The following PIWIL2 variants were observed in gnomAD, a reference collection of about 807,000 sequenced individuals.
The protein encoded by PIWIL2 is piwi like RNA-mediated gene silencing 2.
A neutral mutation model predicts 116.5 loss-of-function variants in PIWIL2; 81 were observed. The observed-to-expected ratio is 0.70, with a 90% CI of 0.58 to 0.84. The LOEUF (loss-of-function observed/expected upper bound fraction) is 0.84, where lower values mean the gene tolerates loss of function less well. PIWIL2 is among the 40% of genes least tolerant of loss of function. The pLI is 0.00. For synonymous variants in PIWIL2, 489 were observed against 429.5 expected (o/e 1.14, Z -1.71); for missense variants, 1,272 against 1,212.3 (o/e 1.05, Z -0.73).
rs1831137515 is a variant in PIWIL2, at chr8:22,304,858, A to G, written c.1445A>G (p.Asn482Ser). 3 of 1,603,440 alleles carry G rather than the reference A, an allele frequency of 1.9e-6. No homozygotes were observed. Among genetic ancestry groups the G allele is most frequent in the Non-Finnish European group, 2.6e-6 (3 of 1,170,232 alleles). The change falls in exon 12 of 23, where the codon AAT becomes AGT. Residue 482 changes from asparagine (N) to serine (S), a missense_variant. Physicochemically the swap from Asn to Ser is conservative, Grantham distance 46. Transcript: ENST00000356766. ...LIHRPSERQDNHGMLLKGEIL... is the reference protein window; with the variant it reads ...LIHRPSERQDSHGMLLKGEIL... The stretch of plus-strand genomic sequence containing the variant: ...CACAGGCCCAGTGAGAGACAGGATA[A>G]TCATGGGATGGTGAGTAGGGCTGTC...
chr8:22,300,173 C>T lies in PIWIL2; in HGVS notation c.1182-3848C>T, dbSNP rs1476557940. 3.9e-5 allele frequency among the ~76,000 whole-genome samples: 6 copies of T among 152,222 alleles called. No homozygotes were observed. In the East Asian group the frequency reaches 9.7e-4, roughly 25 times the overall value. On this transcript the variant is annotated intron_variant, in intron 10 of 22. Transcript: ENST00000356766. ...CTTGAACTCCTGGGCCCAAGCAGTT[C>T]TCCTACCTAGCCTCAGCCTCCCAAA...
At position 22,355,329 on chromosome 8, in the gene PIWIL2, A is replaced by G. The variant is rs1367731293; in HGVS notation, c.2766-20A>G. The G allele has an allele frequency of 2.5e-6, 4 of 1,613,370 alleles. No individual in the cohort carries two copies. The highest frequency in any genetic ancestry group is 3.4e-6 in the Non-Finnish European group (4 of 1,179,366). ...GAAGGTGGGGGATGATGAGAATTATATTTTCTTCTTGGCCTACAGGCTGAC... is the reference window on the plus strand; with the variant it reads ...GAAGGTGGGGGATGATGAGAATTATGTTTTCTTCTTGGCCTACAGGCTGAC... On this transcript the variant is annotated intron_variant, in intron 22 of 22. Coordinates refer to ENST00000356766, the MANE Select transcript of PIWIL2 (RefSeq NM_018068.5).
Position 22,355,524 on chromosome 8 carries a change from G to C in PIWIL2, c.*19G>C, listed in dbSNP as rs770300263. On this transcript the variant is annotated 3_prime_UTR_variant, in exon 23 of 23. Transcript: ENST00000356766. ...CCTGTGACTGCACAGCTTGGAGATG[G>C]GCTGGTGAGAAGAAAGGCGGCCTCA... 1.5e-5 allele frequency: 24 copies of C among 1,608,988 alleles called. No homozygotes were observed. The highest frequency in any genetic ancestry group is 1.9e-5 in the Non-Finnish European group (22 of 1,176,916).
rs1831961374 is a variant in PIWIL2, at chr8:22,335,558, T to G, written c.2403+17283T>G. ...ACAAAATAGACTTTTTTTTTTTTTT[T>G]TTTTTTTGAGACGCAGTCTTGCTCT... is the stretch of plus-strand genomic sequence containing the variant. On this transcript the variant is annotated intron_variant, in intron 20 of 22. Transcript: ENST00000356766. 2.0e-5 allele frequency among the ~76,000 whole-genome samples: 3 copies of G among 149,182 alleles called. No homozygotes were observed. The Admixed American group carries it at 2.0e-4, about 10-fold the overall frequency.
intron 20 of PIWIL2, 129 bp from the exon 21 acceptor site, chr8:22,352,830 G>C: frequency 1.1e-6 from 1 of 911,750 alleles, no homozygotes; most frequent in South Asian, 1.9e-5. Flanking sequence ...TCTAGGCACA[G>C]TAGCTTTGGC....
chr8:22,310,812 T>C (rs1831310499), intron 15 of PIWIL2, among the ~76,000 whole-genome samples: 1 of 152,208 alleles, frequency 6.6e-6, no homozygotes. Context: ...TACATATACA[T>C]GGAATCATAG....
intron 21 of PIWIL2, among the ~76,000 whole-genome samples, chr8:22,353,704 C>T (rs1413356576): frequency 1.4e-5 from 2 of 147,410 alleles, no homozygotes; most frequent in Non-Finnish European, 3.0e-5. Context: ...TTGAACATAC[C>T]TTGTTTTGCT....
At chr8:22,275,505 T>G (rs1451787706) in intron 1 of PIWIL2, 107 bp downstream of exon 1, 1 of 152,188 alleles carries the variant, frequency 6.6e-6, no homozygotes, top group Non-Finnish European at 1.5e-5. Context: ...CTCCCGGGCC[T>G]CTCCCCTCCC....
At chr8:22,326,383 G>A (rs1036438039) in intron 20 of PIWIL2, among the ~76,000 whole-genome samples, 12 of 152,090 alleles carry the variant, frequency 7.9e-5, no homozygotes, top group East Asian at 3.9e-4. Flanking sequence ...TTAGCTGGGC[G>A]TGGTGGTACA....
At chr8:22,330,302 T>C (rs945681886) in intron 20 of PIWIL2, among the ~76,000 whole-genome samples, 2 of 152,188 alleles carry the variant, frequency 1.3e-5, no homozygotes, top group South Asian at 4.1e-4. Flanking sequence ...TTTCTTGTAA[T>C]TTCTGTGCCT....
At position 22,353,171 on chromosome 8, in the gene PIWIL2, T is replaced by C; in HGVS notation, c.2616T>C (p.Thr872=). Residue 872 remains threonine (T), a synonymous_variant, in exon 21 of 23, where the codon ACT becomes ACC. Transcript: ENST00000356766. ...LAAPQNFVTP[T]PGTVVDHTIT... ...CTCCTCAGAACTTTGTAACTCCCAC[T>C]CCTGGAACTGTGGTAGATCATACAA... 6.2e-7 allele frequency: 1 copy of C among 1,613,978 alleles called. No homozygotes were observed. The highest frequency in any genetic ancestry group is 1.3e-5 in the African/African-American group (1 of 75,038).
intron 20 of PIWIL2, among the ~76,000 whole-genome samples, chr8:22,322,320 G>A (rs1450691136): frequency 1.3e-5 from 2 of 151,440 alleles, no homozygotes; most frequent in Non-Finnish European, 2.9e-5. Context: ...TCACAGTCTC[G>A]GTTCACTGCA....
chr8:22,342,081 G>A (rs1832123902), intron 20 of PIWIL2, among the ~76,000 whole-genome samples: 1 of 151,558 alleles, frequency 6.6e-6, no homozygotes, highest in Admixed American at 6.6e-5. Context: ...AGAAAAAAAT[G>A]GAGTACTTTG....
At chr8:22,354,927 G>C (rs1034730987) in intron 22 of PIWIL2, among the ~76,000 whole-genome samples, 1 of 152,126 alleles carries the variant, frequency 6.6e-6, no homozygotes, top group African/African-American at 2.4e-5. Flanking sequence ...AAAATTAGCT[G>C]GGTGTGGTGG....
At chr8:22,328,075 A>G (rs532338058) in intron 20 of PIWIL2, among the ~76,000 whole-genome samples, 5 of 152,096 alleles carry the variant, frequency 3.3e-5, no homozygotes, top group Non-Finnish European at 2.9e-5. Context: ...TAACAATGTT[A>G]TACTTTTTAA....
chr8:22,280,414 ATT>A (rs963901364), intron 2 of PIWIL2, among the ~76,000 whole-genome samples: 8 of 152,208 alleles, frequency 5.3e-5, no homozygotes, highest in Non-Finnish European at 7.4e-5. Context: ...TAAGAATAAT[ATT>A]TGTCTATAAT....
At position 22,279,367 on chromosome 8, in the gene PIWIL2, G is replaced by A. The variant is rs150497956; in HGVS notation, c.-20G>A. ...TAATTAACCAGAACAGGATCGACACGTGTTCTCTACAGCCCGTCCATGGAT... is the reference window on the plus strand; with the variant it reads ...TAATTAACCAGAACAGGATCGACACATGTTCTCTACAGCCCGTCCATGGAT... On this transcript the variant is annotated 5_prime_UTR_variant, in exon 2 of 23. The change creates a new upstream start codon in the 5' untranslated region. Transcript: ENST00000356766. 385 of 1,594,730 alleles carry A rather than the reference G, an allele frequency of 2.4e-4. 3 individuals are homozygous for A. In the South Asian group the frequency reaches 2.5e-3, roughly 10 times the overall value.
At chr8:22,329,607 C>T (rs1243352200) in intron 20 of PIWIL2, among the ~76,000 whole-genome samples, 4 of 152,210 alleles carry the variant, frequency 2.6e-5, no homozygotes, top group Admixed American at 6.5e-5. Flanking sequence ...CTCCTATAAT[C>T]GAAACACCTC....
chr8:22,316,420 T>C, intron 19 of PIWIL2, 87 bp downstream of exon 19: 2 of 831,870 alleles, frequency 2.4e-6, no homozygotes, highest in Non-Finnish European at 4.1e-6. Flanking sequence ...TTTTTAGCAT[T>C]ATGTATTACA....
Sources: allele counts gnomAD v4.1 joint callset (sites outside exome capture counted in the v4.1 genomes callset), GRCh38; gene constraint gnomAD v4.1.1; transcripts MANE v1.5; gene names NCBI Gene and HGNC (gene_info 2026-07-23, HGNC 2026-07-21).